The following ZC3H14 variants were observed in gnomAD, a reference collection of about 807,000 sequenced individuals.
ZC3H14 encodes zinc finger CCCH-type containing 14, also known as zinc finger CCCH domain-containing protein 14.
In ZC3H14, 31 loss-of-function variants were observed where a neutral mutation model predicts 92.4. The ratio of observed to expected loss-of-function variants is 0.34; its 90% CI spans 0.25 to 0.45. The LOEUF (loss-of-function observed/expected upper bound fraction) is 0.45, where lower values mean the gene tolerates loss of function less well. ZC3H14 is among the 20% of genes least tolerant of loss of function. The pLI is 1.00. For missense variants in ZC3H14, 781 were observed against 897.3 expected, an observed-to-expected ratio of 0.87 and a Z score of 1.66; for synonymous variants, 321 against 300.9, an observed-to-expected ratio of 1.07 and a Z score of -0.69.
In ZC3H14 at chr14:88,621,167, A is replaced by T; in HGVS notation, c.*9416A>T. 6.2e-7 allele frequency: 1 copy of T among 1,613,960 alleles called. No homozygotes were observed. The highest frequency in any genetic ancestry group is 8.5e-7 in the Non-Finnish European group (1 of 1,179,866). ...TCCCATCTTCTGCAGCAGAAAGGAA[A>T]AAATCCCTGGAAGGATGTGTTGCTA... On this transcript the variant is annotated 3_prime_UTR_variant, in exon 17 of 17. Coordinates refer to ENST00000251038, the MANE Select transcript of ZC3H14 (RefSeq NM_024824.5).
Position 88,579,290 on chromosome 14 carries a change from G to A in ZC3H14, c.1279+1150G>A, listed in dbSNP as rs189423974. On this transcript the variant is annotated intron_variant, in intron 9 of 16. Coordinates refer to ENST00000251038, the MANE Select transcript of ZC3H14 (RefSeq NM_024824.5). Reference sequence around the variant, plus strand: ...GTATTGTTCAGTTTGCCATGACAGCGTTATATACTATTCTGATAATTGATA... The same window carrying A: ...GTATTGTTCAGTTTGCCATGACAGCATTATATACTATTCTGATAATTGATA... Among the ~76,000 whole-genome samples, 408 of 152,130 alleles carry A rather than the reference G, an allele frequency of 2.7e-3. 1 individual carries two copies. The highest frequency in any genetic ancestry group is 4.6e-3 in the Non-Finnish European group (312 of 68,016).
chr14:88,568,474 T>C (rs538391066), intron 3 of ZC3H14, among the ~76,000 whole-genome samples: 6 of 152,334 alleles, frequency 3.9e-5, no homozygotes, highest in South Asian at 4.1e-4. Context: ...CAGAGACTTA[T>C]ATAAAATCAT....
At chr14:88,564,057 C>T (rs149682500) in intron 2 of ZC3H14, among the ~76,000 whole-genome samples, 1 of 152,256 alleles carries the variant, frequency 6.6e-6, no homozygotes, top group East Asian at 1.9e-4. Flanking sequence ...CTGACCTTAG[C>T]CTCCCTAGGT....
intron 9 of ZC3H14, chr14:88,592,218 G>A (rs2083225458): frequency 6.6e-6 from 1 of 152,032 alleles, no homozygotes; most frequent in Admixed American, 6.6e-5. Context: ...TGAACCAGCT[G>A]GTTTGCAGGT....
At chr14:88,576,271 T>C (rs1249476982) in intron 8 of ZC3H14, among the ~76,000 whole-genome samples, 2 of 152,200 alleles carry the variant, frequency 1.3e-5, no homozygotes, top group African/African-American at 2.4e-5. Context: ...ACATTAGATA[T>C]GAATTTACGA....
At chr14:88,586,550 TTGTC>T (rs1183064090) in intron 9 of ZC3H14, 4 of 152,266 alleles carry the variant, frequency 2.6e-5, no homozygotes, top group African/African-American at 9.6e-5. Context: ...ATCATTCTAA[TTGTC>T]TGTCGTTCCT....
At chr14:88,594,348 A>G (rs1258092016) in intron 9 of ZC3H14, 17 of 1,000,972 alleles carry the variant, frequency 1.7e-5, no homozygotes, top group African/African-American at 5.2e-5. Flanking sequence ...TGTGTGACAC[A>G]TGTCTGTTTT....
chr14:88,580,040 A>G (rs1294207753), intron 9 of ZC3H14, among the ~76,000 whole-genome samples: 10 of 152,164 alleles, frequency 6.6e-5, no homozygotes, highest in Non-Finnish European at 1.0e-4. Flanking sequence ...TCGACAAAAA[A>G]TAAAAATATT....
chr14:88,609,104 C>T, intron 13 of ZC3H14, 163 bp from the exon 14 acceptor site: 2 of 832,524 alleles, frequency 2.4e-6, no homozygotes, highest in Non-Finnish European at 3.7e-6. Flanking sequence ...TGATTGTGTC[C>T]TATTTTGATA....
At chr14:88,596,981 T>G (rs1232236197) in intron 10 of ZC3H14, among the ~76,000 whole-genome samples, 173 bp downstream of exon 10, 1 of 152,208 alleles carries the variant, frequency 6.6e-6, no homozygotes, top group African/African-American at 2.4e-5. Context: ...TTTCATGTTA[T>G]ATAGTGTTAT....
chr14:88,609,833 T>C (rs1227137566), intron 15 of ZC3H14, 30 bp downstream of exon 15: 7 of 1,595,406 alleles, frequency 4.4e-6, no homozygotes, highest in Middle Eastern at 3.3e-4. Context: ...CAAATCAATT[T>C]AGTGACAACA....
intron 12 of ZC3H14, among the ~76,000 whole-genome samples, chr14:88,604,507 C>T (rs1461277287): frequency 2.0e-5 from 3 of 151,948 alleles, no homozygotes; most frequent in Non-Finnish European, 4.4e-5. Context: ...TGGGTTGTTT[C>T]AAGGATGCTA....
intron 8 of ZC3H14, among the ~76,000 whole-genome samples, chr14:88,577,265 A>G (rs1030031425): frequency 6.6e-6 from 1 of 152,222 alleles, no homozygotes; most frequent in Non-Finnish European, 1.5e-5. Flanking sequence ...TCTATCAGCA[A>G]TATTAATTGT....
At chr14:88,596,234 C>T (rs2083801189) in intron 9 of ZC3H14, among the ~76,000 whole-genome samples, 1 of 152,184 alleles carries the variant, frequency 6.6e-6, no homozygotes, top group African/African-American at 2.4e-5. Flanking sequence ...TCTTTGCATG[C>T]ATCGAAGCCC....
In ZC3H14 at chr14:88,621,429, G is replaced by A. The variant is rs2088911754; in HGVS notation, c.*9678G>A. 1 of 998,312 alleles carries A rather than the reference G, an allele frequency of 1.0e-6. No homozygotes were observed. The highest frequency in any genetic ancestry group is 1.5e-5 in the South Asian group (1 of 66,864). 61.8% of individuals were successfully genotyped at this position (998,312 alleles called of 1,614,324 possible). A position where few individuals can be genotyped will look rare whatever the true frequency, so the allele number is the denominator to read the frequency against. The stretch of plus-strand genomic sequence containing the variant: ...TGCTTTGAGCTAATCTAGTAGCAAG[G>A]CAGTCATTAGCTCATGCAAATTTTT... On this transcript the variant is annotated 3_prime_UTR_variant, in exon 17 of 17. Coordinates refer to ENST00000251038, the MANE Select transcript of ZC3H14 (RefSeq NM_024824.5).
chr14:88,610,975 CAA>C lies in ZC3H14; in HGVS notation c.2204+37_2204+38del, dbSNP rs753351711. 1.9e-6 allele frequency: 3 copies of C among 1,562,544 alleles called. No individual in the cohort carries two copies. The South Asian group carries it at 3.3e-5, about 17-fold the overall frequency. Reference sequence around the variant, plus strand: ...CAAATTCGTTTTTCTCATGTCAGTTCAAATTCTTTTTTCTAATTTGCAGTTTC... The same window carrying C: ...CAAATTCGTTTTTCTCATGTCAGTTCATTCTTTTTTCTAATTTGCAGTTTC... On this transcript the variant is annotated intron_variant, in intron 16 of 16. Coordinates refer to ENST00000251038, the MANE Select transcript of ZC3H14 (RefSeq NM_024824.5).
At chr14:88,577,434 T>C (rs1309717488) in intron 8 of ZC3H14, among the ~76,000 whole-genome samples, 3 of 150,764 alleles carry the variant, frequency 2.0e-5, no homozygotes, top group Non-Finnish European at 4.5e-5. Context: ...CTATATTGTA[T>C]TCATGGTATG....
intron 9 of ZC3H14, among the ~76,000 whole-genome samples, chr14:88,583,134 T>C (rs2082108595): frequency 6.6e-6 from 1 of 151,418 alleles, no homozygotes; most frequent in South Asian, 2.1e-4. Context: ...GTGCTTTTTT[T>C]TTATTTTTTT....
chr14:88,602,447 G>A (rs1490391994), intron 11 of ZC3H14, among the ~76,000 whole-genome samples: 3 of 152,186 alleles, frequency 2.0e-5, no homozygotes, highest in African/African-American at 7.2e-5. Flanking sequence ...AAAATTGACT[G>A]TTTCTATAAA....
Sources: gnomAD v4.1 joint callset for allele counts (sites outside exome capture counted in the v4.1 genomes callset) on GRCh38, gnomAD v4.1.1 for gene constraint, MANE v1.5 for transcripts, NCBI Gene and HGNC (gene_info 2026-07-23, HGNC 2026-07-21) for gene names.